DARS1: variants seen among roughly 807,000 people sequenced by gnomAD.
The protein encoded by DARS1 is aspartate--tRNA ligase, cytoplasmic.
A neutral mutation model predicts 68.8 loss-of-function variants in DARS1; 51 were observed. The ratio of observed to expected loss-of-function variants is 0.74; its 90% confidence interval spans 0.59 to 0.94. The LOEUF is 0.94. Ranked by LOEUF, DARS1 falls within the 40% of genes least tolerant of loss-of-function variation. The pLI is 0.00. For synonymous variants in DARS1, 203 were observed against 190.4 expected (o/e 1.07, Z -0.55); for missense variants, 607 against 597.3 (o/e 1.02, Z -0.17).
chr2:135,929,629 T>G (rs767195858), intron 7 of DARS1, among the ~76,000 whole-genome samples: 2 of 152,222 alleles, frequency 1.3e-5, no homozygotes, highest in Non-Finnish European at 2.9e-5. Flanking sequence ...AGTTTCAATA[T>G]ATTGGCATTA....
Position 135,922,793 on chromosome 2 carries a change from T to G in DARS1, c.802A>C (p.Ile268Leu), listed in dbSNP as rs60318326. The change falls in exon 9 of 16, where the codon ATT becomes CTT. Residue 268 changes from isoleucine to leucine, a missense_variant. Coordinates refer to ENST00000264161, the MANE Select transcript of DARS1 (RefSeq NM_001349.4). ...ICADFEKVFS[I>L]GPVFRAEDSN... ...ACTGCCAAAATCTTACCTGGTCCAATAGAGAAAACCTTCTCAAAATCAGCA... is the reference window on the plus strand; with the variant it reads ...ACTGCCAAAATCTTACCTGGTCCAAGAGAGAAAACCTTCTCAAAATCAGCA... 1.4e-5 allele frequency: 22 copies of G among 1,564,044 alleles called. 1 individual carries two copies. In the South Asian group the frequency reaches 2.3e-4, roughly 17 times the overall value.
chr2:135,970,155 T>C (rs1404794297), intron 3 of DARS1, among the ~76,000 whole-genome samples: 1 of 151,426 alleles, frequency 6.6e-6, no homozygotes. Context: ...GGCAGGAGGA[T>C]TGTATGAGGC....
chr2:135,912,723 T>A (rs1049547413), intron 12 of DARS1, among the ~76,000 whole-genome samples, 157 bp from the exon 13 acceptor site: 31 of 152,192 alleles, frequency 2.0e-4, no homozygotes, highest in African/African-American at 6.8e-4. Flanking sequence ...AACATTTTTA[T>A]CCTACAGCAT....
chr2:135,985,447 GGCTGGC>G lies in DARS1; in HGVS notation c.16_21del (p.Ala6_Ser7del). The G allele has an allele frequency of 1.2e-6, 2 of 1,613,926 alleles. No individual in the cohort carries two copies. Among genetic ancestry groups the G allele is most frequent in the Admixed American group, 1.7e-5 (1 of 60,034 alleles). On this transcript the variant is annotated inframe_deletion, in exon 1 of 16. Transcript: ENST00000264161. ...TCCCGCGGCTTCTCCTGACTCTTGC[GGCTGGC>G]GCTGGCGCTGGGCATCGGGACACGG...
chr2:135,947,010 G>C (rs1276653205), intron 4 of DARS1, among the ~76,000 whole-genome samples: 1 of 152,148 alleles, frequency 6.6e-6, no homozygotes, highest in African/African-American at 2.4e-5. Context: ...TCGAACTCCT[G>C]GGCTCAAGTG....
rs770613720 is a variant in DARS1 at position 135,912,506 on chromosome 2, T to C, written c.1210A>G (p.Met404Val). The C allele has an allele frequency of 1.8e-5, 20 of 1,111,776 alleles. No homozygotes were observed. The Admixed American group carries it at 1.9e-4, about 11-fold the overall frequency. 68.9% of individuals were successfully genotyped at this position (1,111,776 alleles called of 1,614,324 possible). Residue 404 changes from methionine to valine, a missense_variant, in exon 13 of 16, where the codon ATG becomes GTG. Met to Val is a conservative substitution (Grantham distance 21). Transcript: ENST00000264161. ...YPLAVRPFYT[M>V]PDPRNPKQSN... ...CTTACGGGATTTCTTGGGTCAGGCA[T>C]GGTATAGAAAGGTCTTACAGCCAAT...
chr2:135,964,102 G>T (rs530824609), intron 3 of DARS1, among the ~76,000 whole-genome samples: 1 of 152,252 alleles, frequency 6.6e-6, no homozygotes, highest in South Asian at 2.1e-4. Context: ...GAACACGAAC[G>T]TAAGTATTTG....
intron 3 of DARS1, 117 bp downstream of exon 3, chr2:135,979,157 G>A: frequency 1.5e-6 from 1 of 665,052 alleles, no homozygotes; most frequent in Non-Finnish European, 2.7e-6. Flanking sequence ...TTTTAAGAAA[G>A]AAAAGTTACA....
At chr2:135,916,932 C>T (rs184867851) in intron 10 of DARS1, among the ~76,000 whole-genome samples, 66 of 152,276 alleles carry the variant, frequency 4.3e-4, no homozygotes, top group African/African-American at 1.6e-3. Context: ...TGCAGTGGCT[C>T]ACACCTGTAA....
intron 2 of DARS1, among the ~76,000 whole-genome samples, chr2:135,981,136 A>G (rs774654208): frequency 3.3e-5 from 5 of 152,220 alleles, no homozygotes; most frequent in Non-Finnish European, 5.9e-5. Flanking sequence ...TTTTACATAC[A>G]TAGGTTATCT....
At chr2:135,934,063 C>T in intron 5 of DARS1, 73 bp from the exon 6 acceptor site, 1 of 1,558,924 alleles carries the variant, frequency 6.4e-7, no homozygotes, top group Non-Finnish European at 8.7e-7. Context: ...AAACAATCTA[C>T]AGTTGACTTA....
intron 4 of DARS1, among the ~76,000 whole-genome samples, chr2:135,953,516 A>G (rs1167801313): frequency 6.6e-6 from 1 of 152,226 alleles, no homozygotes; most frequent in East Asian, 1.9e-4. Context: ...TGTTAATGGC[A>G]GTGCTGATAA....
At chr2:135,940,664 A>C (rs1014371059) in intron 5 of DARS1, among the ~76,000 whole-genome samples, 1 of 152,220 alleles carries the variant, frequency 6.6e-6, no homozygotes, top group Admixed American at 6.5e-5. Context: ...GGCCAGGGCA[A>C]TCAGGCACGA....
chr2:135,983,704 C>T (rs1481987851), intron 1 of DARS1, among the ~76,000 whole-genome samples: 1 of 152,158 alleles, frequency 6.6e-6, no homozygotes, highest in Non-Finnish European at 1.5e-5. Flanking sequence ...ATTTACCATA[C>T]TTAATAACAT....
chr2:135,909,782 T>C (rs1680859147), intron 15 of DARS1, among the ~76,000 whole-genome samples: 1 of 152,184 alleles, frequency 6.6e-6, no homozygotes, highest in South Asian at 2.1e-4. Context: ...AGAGTGTTAT[T>C]TCATTGTATA....
At chr2:135,929,287 T>C (rs2104807344) in intron 7 of DARS1, among the ~76,000 whole-genome samples, 1 of 152,314 alleles carries the variant, frequency 6.6e-6, no homozygotes. Flanking sequence ...ACACCTATCA[T>C]TCTCATGGCA....
At chr2:135,971,297 A>T (rs1287456454) in intron 3 of DARS1, among the ~76,000 whole-genome samples, 1 of 152,196 alleles carries the variant, frequency 6.6e-6, no homozygotes. Flanking sequence ...TATACAAATC[A>T]ATCAATGTAA....
At chr2:135,980,606 C>G (rs1174285437) in intron 2 of DARS1, 2 of 152,166 alleles carry the variant, frequency 1.3e-5, no homozygotes, top group Non-Finnish European at 2.9e-5. Context: ...ACACTGCCAA[C>G]AGACTTTATG....
chr2:135,974,457 A>G (rs1207246622), intron 3 of DARS1, among the ~76,000 whole-genome samples: 3 of 152,194 alleles, frequency 2.0e-5, no homozygotes, highest in Non-Finnish European at 4.4e-5. Context: ...CATATACATC[A>G]CATAACACAA....
Sources: gnomAD v4.1 joint callset for allele counts (sites outside exome capture counted in the v4.1 genomes callset) on GRCh38, gnomAD v4.1.1 for gene constraint, MANE v1.5 for transcripts, NCBI Gene and HGNC (gene_info 2026-07-23, HGNC 2026-07-21) for gene names.